The following CTSW variants were observed in gnomAD, a reference collection of about 807,000 sequenced individuals.
CTSW encodes the protein cathepsin W, also known as lymphopain.
A neutral mutation model predicts 43.8 loss-of-function variants in CTSW; 42 were observed. The observed-to-expected ratio is 0.96, with a 90% CI of 0.75 to 1.24. CTSW has a LOEUF of 1.24. Among genes scored for constraint, CTSW ranks in the 50% most tolerant of loss-of-function variants. The pLI is 0.00. For missense variants in CTSW, 475 were observed against 479.9 expected (o/e 0.99, Z 0.09); for synonymous variants, 191 against 184.8 (o/e 1.03, Z -0.27).
Position 65,883,693 on chromosome 11 carries a change from C to T in CTSW, c.*75C>T. On this transcript the variant is annotated 3_prime_UTR_variant, in exon 10 of 10. Coordinates refer to ENST00000307886, the MANE Select transcript of CTSW (RefSeq NM_001335.4). ...CCAGCCCCACCCCCAGGTTTTTGCCCATCCTCCCAATCTCAATACAGCCTG... is the reference window on the plus strand; with the variant it reads ...CCAGCCCCACCCCCAGGTTTTTGCCTATCCTCCCAATCTCAATACAGCCTG... The T allele has an allele frequency of 2.2e-6, 3 of 1,367,078 alleles. No individual in the cohort carries two copies. The highest frequency in any genetic ancestry group is 3.1e-6 in the Non-Finnish European group (3 of 968,600). The allele number at this position is 1,367,078 out of a possible 1,614,324, so 84.7% of individuals were successfully genotyped here. A position where few individuals can be genotyped will look rare whatever the true frequency, so the allele number is the denominator to read the frequency against.
At position 65,880,246 on chromosome 11, in the gene CTSW, G is replaced by A; in HGVS notation, c.132G>A (p.Leu44=). 1 of 1,614,012 alleles carries A rather than the reference G, an allele frequency of 6.2e-7. No individual in the cohort carries two copies. The highest frequency in any genetic ancestry group is 8.5e-7 in the Non-Finnish European group (1 of 1,180,000). ...TAGAGCTGAAAGAGGCCTTCAAGTTGTTCCAGATCCAGTTCAACCGGAGTT... is the reference window on the plus strand; with the variant it reads ...TAGAGCTGAAAGAGGCCTTCAAGTTATTCCAGATCCAGTTCAACCGGAGTT... ...QPLELKEAFK[L]FQIQFNRSYL... is the part of the protein sequence containing the mutation. Residue 44 remains leucine, a synonymous_variant, in exon 2 of 10, where the codon TTG becomes TTA. Coordinates refer to ENST00000307886, the MANE Select transcript of CTSW (RefSeq NM_001335.4).
intron 3 of CTSW, 50 bp from the exon 4 acceptor site, chr11:65,882,125 A>T: frequency 6.3e-7 from 1 of 1,598,254 alleles, no homozygotes; most frequent in East Asian, 2.2e-5. Flanking sequence ...GAGGCAGAAC[A>T]GGGAGAAGGG....
rs1393138673 is a variant in CTSW, at chr11:65,882,898, G to A, written c.739G>A (p.Glu247Lys). Reference protein sequence around the residue: ...IQDFIMLQNNEHRIAQYLATY... With the variant: ...IQDFIMLQNNKHRIAQYLATY... ...GGACTTCATCATGCTGCAGAACAAC[G>A]AGCACAGTGCGGGCAGGGCAGGGAC... Residue 247 changes from glutamate to lysine, a missense_variant, in exon 7 of 10, where the codon GAG becomes AAG. Coordinates refer to ENST00000307886, the MANE Select transcript of CTSW (RefSeq NM_001335.4). 8.1e-6 allele frequency: 13 copies of A among 1,613,884 alleles called. No homozygotes were observed. Among genetic ancestry groups the A allele is most frequent in the East Asian group, 2.2e-5 (1 of 44,892 alleles).
chr11:65,881,751 C>T (rs1860107976), intron 3 of CTSW, among the ~76,000 whole-genome samples: 1 of 152,206 alleles, frequency 6.6e-6, no homozygotes, highest in Non-Finnish European at 1.5e-5. Flanking sequence ...TGCAGGGAAG[C>T]ACCCAGCAGG....
Position 65,880,063 on chromosome 11 carries a change from TGCCCAAGG to T in CTSW, c.87+125_88-129del. 1.7e-6 allele frequency: 2 copies of T among 1,180,718 alleles called. 1 individual carries two copies. The highest frequency in any genetic ancestry group is 2.7e-5 in the South Asian group (2 of 74,836). 73.1% of individuals were successfully genotyped at this position (1,180,718 alleles called of 1,614,324 possible). A position where few individuals can be genotyped will look rare whatever the true frequency, so the allele number is the denominator to read the frequency against. Reference sequence around the variant, plus strand: ...GCTGAGGCTGGAGAGGGGGCTGACGTGCCCAAGGGCACATGGGAAGACAGAAAAGGCTA... The same window carrying T: ...GCTGAGGCTGGAGAGGGGGCTGACGTGCACATGGGAAGACAGAAAAGGCTA... On this transcript the variant is annotated intron_variant, in intron 1 of 9. Transcript: ENST00000307886.
rs570101176 is a variant in CTSW at position 65,880,327 on chromosome 11, T to A, written c.172+41T>A. On this transcript the variant is annotated intron_variant, in intron 2 of 9. Transcript: ENST00000307886. The stretch of plus-strand genomic sequence containing the variant: ...TACATCTCCAGTCCAAGCCCCCACT[T>A]TTTTTTTTTTTGAGACGGAGTTTCA... 4.3e-4 allele frequency: 506 copies of A among 1,167,296 alleles called. No individual in the cohort carries two copies. In the South Asian group the frequency reaches 8.3e-3, roughly 19 times the overall value. The allele number at this position is 1,167,296 out of a possible 1,614,324, so 72.3% of individuals were successfully genotyped here. A position where few individuals can be genotyped will look rare whatever the true frequency, so the allele number is the denominator to read the frequency against.
Position 65,883,539 on chromosome 11 carries a change from C to A in CTSW, c.1052C>A (p.Thr351Asn). ...TTCCGGCTGCACCGAGGGAGCAATA[C>A]CTGTGGCATCACCAAGTTCCCGCTC... is the stretch of plus-strand genomic sequence containing the variant. ...GYFRLHRGSN[T>N]CGITKFPLTA... Residue 351 changes from threonine to asparagine, a missense_variant, in exon 10 of 10, where the codon ACC (threonine) becomes AAC (asparagine). By Grantham distance (65) the Thr-to-Asn change is moderately conservative. Transcript: ENST00000307886. 1 of 1,614,082 alleles carries A rather than the reference C, an allele frequency of 6.2e-7. No homozygotes were observed. Among genetic ancestry groups the A allele is most frequent in the Non-Finnish European group, 8.5e-7 (1 of 1,179,962 alleles).
chr11:65,882,763 T>A lies in CTSW; in HGVS notation c.620-16T>A. On this transcript the variant is annotated splice_polypyrimidine_tract_variant and intron_variant, in intron 6 of 9. Coordinates refer to ENST00000307886, the MANE Select transcript of CTSW (RefSeq NM_001335.4). ...GGCAGGAGCGGAACCTCCTCCCTTG[T>A]CTTGCTTATCTGCAGGCGGCCTGGC... 1 of 1,614,164 alleles carries A rather than the reference T, an allele frequency of 6.2e-7. No individual in the cohort carries two copies. The highest frequency in any genetic ancestry group is 8.5e-7 in the Non-Finnish European group (1 of 1,180,020).
At chr11:65,883,005 G>A in intron 7 of CTSW, 64 bp from the exon 8 acceptor site, 1 of 1,612,136 alleles carries the variant, frequency 6.2e-7, no homozygotes, top group South Asian at 1.1e-5. Context: ...GGGGTGGGGG[G>A]AGCGAAGGAG....
intron 2 of CTSW, 95 bp from the exon 3 acceptor site, chr11:65,881,312 C>A: frequency 1.4e-6 from 1 of 723,974 alleles, no homozygotes; most frequent in Non-Finnish European, 2.2e-6. Context: ...CAGTGCTCAA[C>A]TGGGTGGGTG....
At chr11:65,881,316 G>T in intron 2 of CTSW, 91 bp from the exon 3 acceptor site, 2 of 747,144 alleles carry the variant, frequency 2.7e-6, no homozygotes, top group East Asian at 3.0e-5. Context: ...GCTCAACTGG[G>T]TGGGTGTGGG....
At chr11:65,880,663 G>C in intron 2 of CTSW, 1 of 248,150 alleles carries the variant, frequency 4.0e-6, no homozygotes, top group Non-Finnish European at 7.9e-6. Context: ...CTCAGGGTGG[G>C]GAACAGGCAT....
chr11:65,882,894 C>T lies in CTSW; in HGVS notation c.735C>T (p.Asn245=), dbSNP rs758200815. The T allele has an allele frequency of 6.2e-7, 1 of 1,614,022 alleles. No individual in the cohort carries two copies. Among genetic ancestry groups the T allele is most frequent in the Admixed American group, 1.7e-5 (1 of 60,012 alleles). The change falls in exon 7 of 10, where the codon AAC becomes AAT. Residue 245 remains asparagine, a synonymous_variant. Transcript: ENST00000307886. ...AWIQDFIMLQ[N]NEHRIAQYLA... is the part of the protein sequence containing the mutation. Reference sequence around the variant, plus strand: ...TCCAGGACTTCATCATGCTGCAGAACAACGAGCACAGTGCGGGCAGGGCAG... The same window carrying T: ...TCCAGGACTTCATCATGCTGCAGAATAACGAGCACAGTGCGGGCAGGGCAG...
intron 2 of CTSW, 72 bp downstream of exon 2, chr11:65,880,358 G>A: frequency 1.6e-6 from 2 of 1,274,928 alleles, no homozygotes; most frequent in Middle Eastern, 1.9e-4. Context: ...TTTCACTCTT[G>A]TTGACCAGGC....
chr11:65,881,348 GCTACTTCCTGCCC>G (rs1472708788), intron 2 of CTSW, 46 bp from the exon 3 acceptor site: 2 of 1,247,062 alleles, frequency 1.6e-6, no homozygotes, highest in African/African-American at 3.0e-5. Flanking sequence ...CCAGCCAGCG[GCTACTTCCTGCCC>G]CTAAGGGCTT....
Position 65,880,301 on chromosome 11 carries a change from A to G in CTSW, c.172+15A>G. 6.2e-7 allele frequency: 1 copy of G among 1,601,098 alleles called. No individual in the cohort carries two copies. The highest frequency in any genetic ancestry group is 8.5e-7 in the Non-Finnish European group (1 of 1,171,792). On this transcript the variant is annotated intron_variant, in intron 2 of 9. Transcript: ENST00000307886. ...GAGCCCAGAAGGTATCACAGGGCAC[A>G]TACATCTCCAGTCCAAGCCCCCACT...
intron 7 of CTSW, 37 bp downstream of exon 7, chr11:65,882,941 ACAGACACCGGGGCAGAGG>A (rs750729700): frequency 6.2e-7 from 1 of 1,613,128 alleles, no homozygotes; most frequent in South Asian, 1.1e-5. Flanking sequence ...GATGGCAGGG[ACAGACACCGGGGCAGAGG>A]CAGACACGCT....
At position 65,883,704 on chromosome 11, in the gene CTSW, T is replaced by A; in HGVS notation, c.*86T>A. Reference sequence around the variant, plus strand: ...CCCAGGTTTTTGCCCATCCTCCCAATCTCAATACAGCCTGAATAAACCAAG... The same window carrying A: ...CCCAGGTTTTTGCCCATCCTCCCAAACTCAATACAGCCTGAATAAACCAAG... On this transcript the variant is annotated 3_prime_UTR_variant, in exon 10 of 10. Transcript: ENST00000307886. 2 of 1,218,078 alleles carry A rather than the reference T, an allele frequency of 1.6e-6. No homozygotes were observed. The highest frequency in any genetic ancestry group is 3.0e-5 in the African/African-American group (2 of 67,084). The allele number at this position is 1,218,078 out of a possible 1,614,324, so 75.5% of individuals were successfully genotyped here.
chr11:65,882,303 A>G lies in CTSW; in HGVS notation c.415A>G (p.Ser139Gly), dbSNP rs604630. The change falls in exon 4 of 10, where the codon AGC (serine) becomes GGC (glycine). Residue 139 changes from serine to glycine, a missense_variant. Transcript: ENST00000307886. ...CAGCTGTGACTGGCGGAAGGTGGCC[A>G]GCGCCATCTCACCCATCAAGGACCA... is the stretch of plus-strand genomic sequence containing the variant. ...PFSCDWRKVASAISPIKDQKN... is the reference protein window; with the variant it reads ...PFSCDWRKVAGAISPIKDQKN... The G allele has an allele frequency of 0.99, 1,593,794 of 1,614,124 alleles. 788,721 individuals are homozygous for G. The highest frequency in any genetic ancestry group is 1 in the East Asian group (44,866 of 44,868).
Sources: allele counts gnomAD v4.1 joint callset (sites outside exome capture counted in the v4.1 genomes callset), GRCh38; gene constraint gnomAD v4.1.1; transcripts MANE v1.5; gene names NCBI Gene and HGNC (gene_info 2026-07-23, HGNC 2026-07-21).